Variants in PRKCE observed in about 807,000 individuals in gnomAD.
The protein encoded by PRKCE is protein kinase C epsilon type.
In PRKCE, 16 loss-of-function variants were observed where a neutral mutation model predicts 85.4. That is an observed-to-expected ratio of 0.19 (90% CI 0.13 to 0.28). PRKCE has a LOEUF of 0.28. Ranked by LOEUF, PRKCE falls within the 10% of genes least tolerant of loss-of-function variation. The pLI is 1.00. For synonymous variants in PRKCE, 388 were observed against 371.5 expected (o/e 1.04, Z -0.51); for missense variants, 573 against 975.2 (o/e 0.59, Z 5.49).
intron 1 of PRKCE, among the ~76,000 whole-genome samples, chr2:45,835,248 G>A (rs1027138531): frequency 4.6e-5 from 7 of 152,146 alleles, no homozygotes; most frequent in African/African-American, 1.4e-4. Flanking sequence ...GAAATAAATC[G>A]TTTTTTTCCA....
chr2:45,867,467 G>T (rs1424920820), intron 2 of PRKCE, among the ~76,000 whole-genome samples: 1 of 152,190 alleles, frequency 6.6e-6, no homozygotes, highest in Admixed American at 6.5e-5. Flanking sequence ...CTTCCCTGCT[G>T]CAGCCAACAG....
At chr2:46,135,961 T>TA (rs1424378370) in intron 11 of PRKCE, among the ~76,000 whole-genome samples, 1 of 151,772 alleles carries the variant, frequency 6.6e-6, no homozygotes, top group Admixed American at 6.6e-5. Flanking sequence ...AGTGTATTGT[T>TA]AAATTTATGA....
chr2:45,943,364 C>CTA (rs975700500), intron 2 of PRKCE, among the ~76,000 whole-genome samples: 5 of 152,220 alleles, frequency 3.3e-5, no homozygotes, highest in African/African-American at 1.2e-4. Flanking sequence ...CACGTGGGTC[C>CTA]TATAGCTCAG....
Position 46,159,705 on chromosome 2 carries a change from G to A in PRKCE, c.2020G>A (p.Val674Met). The change falls in exon 14 of 15, where the codon GTG becomes ATG. Residue 674 changes from valine (V) to methionine (M), a missense_variant. By Grantham distance (21) the Val-to-Met change is conservative. Around this residue, in one of 11 missense-constraint regions of PRKCE, gnomAD observed 72 missense variants for 166.0 expected, o/e 0.43. Coordinates refer to ENST00000306156, the MANE Select transcript of PRKCE (RefSeq NM_005400.3). This position sits in a 1 kb window ranked among gnomAD's most constrained non-coding sequence, Gnocchi z 4.1. ...QHPFFKEIDW[V>M]LLEQKKIKPP... The stretch of plus-strand genomic sequence containing the variant: ...CCCATTCTTCAAAGAGATTGACTGG[G>A]TGCTCCTGGAGCAGAAGAAGATCAA... 1 of 1,599,254 alleles carries A rather than the reference G, an allele frequency of 6.3e-7. No homozygotes were observed. Among genetic ancestry groups the A allele is most frequent in the South Asian group, 1.1e-5 (1 of 90,926 alleles).
chr2:45,661,937 G>T (rs1472936731), intron 1 of PRKCE, among the ~76,000 whole-genome samples: 1 of 152,102 alleles, frequency 6.6e-6, no homozygotes, highest in Non-Finnish European at 1.5e-5. Context: ...GAATAGATTT[G>T]TTTTTTCAGA....
Position 45,652,286 on chromosome 2 carries a change from C to A in PRKCE, c.186C>A (p.Ser62Arg). 6.2e-7 allele frequency: 1 copy of A among 1,613,506 alleles called. No individual in the cohort carries two copies. ...CGGCCACCAAGCAGAAGACCAACAG[C>A]CCGGCCTGGCACGACGAGTTCGTCA... ...GQTATKQKTN[S>R]PAWHDEFVTD... is the part of the protein sequence containing the mutation. The change falls in exon 1 of 15, where the codon AGC (serine) becomes AGA (arginine). Residue 62 changes from serine to arginine, a missense_variant. Ser to Arg is a moderately radical substitution (Grantham distance 110). Coordinates refer to ENST00000306156, the MANE Select transcript of PRKCE (RefSeq NM_005400.3). The surrounding 1 kb of genome is among the most constrained non-coding windows in gnomAD (Gnocchi z 7.7).
In PRKCE at chr2:45,714,548, C is replaced by G. The variant is rs550872236; in HGVS notation, c.348+62100C>G. Among the ~76,000 whole-genome samples, 6 of 152,250 alleles carry G rather than the reference C, an allele frequency of 3.9e-5. No homozygotes were observed. The South Asian group carries it at 6.2e-4, about 16-fold the overall frequency. ...TGAAACACATTCAGCTTTATGAAAA[C>G]TTATGACAGTGAGTGTCTTTCTGTC... On this transcript the variant is annotated intron_variant, in intron 1 of 14. Coordinates refer to ENST00000306156, the MANE Select transcript of PRKCE (RefSeq NM_005400.3).
At chr2:45,956,663 C>A (rs1221947784) in intron 2 of PRKCE, among the ~76,000 whole-genome samples, 4 of 152,086 alleles carry the variant, frequency 2.6e-5, no homozygotes, top group Admixed American at 2.6e-4. Context: ...CCAGCCTGGG[C>A]AACAGAGCGA....
intron 14 of PRKCE, among the ~76,000 whole-genome samples, chr2:46,176,554 G>A (rs1466822200): frequency 6.6e-6 from 1 of 152,186 alleles, no homozygotes. Context: ...TGAGAAGATA[G>A]TTTGTGGACA....
chr2:45,848,784 A>G (rs535577084), intron 2 of PRKCE, among the ~76,000 whole-genome samples: 7 of 152,354 alleles, frequency 4.6e-5, no homozygotes, highest in African/African-American at 1.4e-4. Context: ...GGATGAAAGC[A>G]TTAGAGAACA....
intron 2 of PRKCE, among the ~76,000 whole-genome samples, chr2:45,950,142 T>C (rs1700526426): frequency 6.6e-6 from 1 of 152,214 alleles, no homozygotes; most frequent in Admixed American, 6.5e-5. Context: ...GCTTAGAAAA[T>C]ATGTCTCTAA....
chr2:45,703,024 C>CCA (rs879707807), intron 1 of PRKCE, among the ~76,000 whole-genome samples: 1 of 147,628 alleles, frequency 6.8e-6, no homozygotes, highest in African/African-American at 2.6e-5. Context: ...CCTTTTTTCC[C>CCA]CCCCCGTCAG....
In PRKCE at chr2:46,085,747, T is replaced by TG. The variant is rs1232191154; in HGVS notation, c.1438-461_1438-460insG. Among the ~76,000 whole-genome samples the TG allele has an allele frequency of 1.1e-3, 14 of 12,314 alleles. 1 individual carries two copies. The highest frequency in any genetic ancestry group is 0.01 in the East Asian group (1 of 100). 8.1% of individuals were successfully genotyped at this position (12,314 alleles called of 152,430 possible). On this transcript the variant is annotated intron_variant, in intron 10 of 14. Transcript: ENST00000306156. Reference sequence around the variant, plus strand: ...CATCTGCAAAATCCGTTTTTTTTTTTTGTTTTTGTTTTTTTTTTTTTTTTT... The same window carrying TG: ...CATCTGCAAAATCCGTTTTTTTTTTTGTGTTTTTGTTTTTTTTTTTTTTTTT...
Position 46,085,293 on chromosome 2 carries a change from T to C in PRKCE, c.1438-915T>C, listed in dbSNP as rs139332208. Among the ~76,000 whole-genome samples the C allele has an allele frequency of 1.7e-3, 259 of 152,272 alleles. 3 individuals carry two copies. Among genetic ancestry groups the C allele is most frequent in the African/African-American group, 5.6e-3 (231 of 41,564 alleles). ...ATAGGGGATCCTGGAAGGAATATCC[T>C]CCAAAGTAAAAAGTGGCCCTCACAG... On this transcript the variant is annotated intron_variant, in intron 10 of 14. Transcript: ENST00000306156.
chr2:46,123,131 T>G (rs1257299963), intron 11 of PRKCE, among the ~76,000 whole-genome samples: 1 of 104,594 alleles, frequency 9.6e-6, no homozygotes, highest in Non-Finnish European at 1.8e-5. Context: ...AGAGGAAAGT[T>G]GACTGAAGTT....
intron 11 of PRKCE, among the ~76,000 whole-genome samples, chr2:46,090,192 G>C (rs1250954670): frequency 6.6e-6 from 1 of 152,132 alleles, no homozygotes; most frequent in Non-Finnish European, 1.5e-5. Context: ...TACTCCTGGA[G>C]CTATTGATTC....
chr2:45,912,991 T>A (rs1007452459), intron 2 of PRKCE, among the ~76,000 whole-genome samples: 1 of 152,130 alleles, frequency 6.6e-6, no homozygotes, highest in South Asian at 2.1e-4. Flanking sequence ...GAACTGGTGG[T>A]CAGGAGTCAC....
intron 1 of PRKCE, among the ~76,000 whole-genome samples, chr2:45,682,670 T>C (rs911172710): frequency 5.9e-5 from 9 of 152,204 alleles, no homozygotes; most frequent in Admixed American, 2.0e-4. Context: ...CACTGTAACC[T>C]CCACCTCCTG....
chr2:45,938,297 T>C (rs534102435), intron 2 of PRKCE, among the ~76,000 whole-genome samples: 3 of 152,234 alleles, frequency 2.0e-5, no homozygotes, highest in South Asian at 4.1e-4. Flanking sequence ...TATCTGGCAA[T>C]TCAATGCATC....
Sources: allele counts gnomAD v4.1 joint callset (sites outside exome capture counted in the v4.1 genomes callset), GRCh38; gene constraint gnomAD v4.1.1; regional missense constraint gnomAD v4.1.1; non-coding constraint Gnocchi (gnomAD v3.1); transcripts MANE v1.5; gene names NCBI Gene and HGNC (gene_info 2026-07-23, HGNC 2026-07-21).